The following MID1 variants were observed in gnomAD, a reference collection of about 807,000 sequenced individuals.
MID1 encodes midline 1.
In MID1, 7 loss-of-function variants were observed where a neutral mutation model predicts 40.4. That is an observed-to-expected ratio of 0.17 (90% confidence interval 0.10 to 0.33). The LOEUF is 0.33. MID1 is among the 10% of genes least tolerant of loss of function. MID1 has a pLI of 1.00. For missense variants in MID1, 367 were observed against 558.5 expected (o/e 0.66, Z 3.46); for synonymous variants, 229 against 221.2 (o/e 1.04, Z -0.31).
chrX:10,641,240 T>C (rs1936191117), intron 1 of MID1, among the ~76,000 whole-genome samples: 1 of 111,643 alleles, frequency 9.0e-6, no homozygotes, highest in South Asian at 3.7e-4. Context: ...AGCTGGTTTT[T>C]TGAAAAGATC....
At chrX:10,557,614 A>G (rs1441752472) in intron 2 of MID1, among the ~76,000 whole-genome samples, 2 of 112,089 alleles carry the variant, frequency 1.8e-5, no homozygotes, top group African/African-American at 6.5e-5. Flanking sequence ...GAATGACATG[A>G]GCTCCAAGGT....
chrX:10,556,634 T>C (rs1934132981), intron 2 of MID1, among the ~76,000 whole-genome samples: 1 of 112,070 alleles, frequency 8.9e-6, no homozygotes, highest in Non-Finnish European at 1.9e-5. Context: ...TAATACCTCG[T>C]GTACATCCAA....
intron 3 of MID1, among the ~76,000 whole-genome samples, chrX:10,522,394 T>C (rs888267453): frequency 1.3e-4 from 15 of 112,420 alleles, no homozygotes; most frequent in African/African-American, 4.5e-4. Flanking sequence ...CCTGCCAAAA[T>C]CTTGATTTCA....
chrX:10,829,966 A>C (rs1253798078), intron 1 of MID1, among the ~76,000 whole-genome samples: 1 of 112,220 alleles, frequency 8.9e-6, no homozygotes, highest in Non-Finnish European at 1.9e-5. Flanking sequence ...TCCATGTGGC[A>C]CCCCAGGAAT....
At chrX:10,777,477 T>G (rs1198118980) in intron 1 of MID1, among the ~76,000 whole-genome samples, 8 of 110,940 alleles carry the variant, frequency 7.2e-5, no homozygotes, top group African/African-American at 1.6e-4. Context: ...GATTACAGGC[T>G]TGAGCCACCA....
At chrX:10,574,860 G>C (rs185242070) in intron 1 of MID1, among the ~76,000 whole-genome samples, 2 of 112,150 alleles carry the variant, frequency 1.8e-5, no homozygotes, top group African/African-American at 6.5e-5. Context: ...TTAATACCAC[G>C]TGGCTGTCAG....
intron 1 of MID1, among the ~76,000 whole-genome samples, chrX:10,756,745 G>T (rs1281922747): frequency 8.9e-6 from 1 of 112,147 alleles, no homozygotes; most frequent in Non-Finnish European, 1.9e-5. Context: ...AGAGAAGAGG[G>T]ATTCATCAGA....
chrX:10,609,431 T>G (rs904632294), intron 1 of MID1, among the ~76,000 whole-genome samples: 2 of 111,775 alleles, frequency 1.8e-5, no homozygotes, highest in Non-Finnish European at 3.8e-5. Flanking sequence ...TATATATCAT[T>G]TATATATATA....
At chrX:10,476,387 G>A (rs1382465714) in intron 5 of MID1, among the ~76,000 whole-genome samples, 1 of 110,498 alleles carries the variant, frequency 9.0e-6, no homozygotes, top group Non-Finnish European at 1.9e-5. Context: ...GGTTGGTCTT[G>A]AACTCCTGGG....
rs1340284236 is a variant in MID1 at position 10,545,980 on chromosome X, C to T, written c.660+20908G>A. On this transcript the variant is annotated intron_variant, in intron 2 of 9. Coordinates refer to ENST00000317552, the MANE Select transcript of MID1 (RefSeq NM_000381.4). ...CTACAAGACATAGTTTAGATTTTCA[C>T]TGCTTTTTTTTTTAGGATATTGCCA... Among the ~76,000 whole-genome samples, 3 of 111,074 alleles carry T rather than the reference C, an allele frequency of 2.7e-5. No individual in the cohort carries two copies. In the East Asian group the frequency reaches 8.5e-4, roughly 32 times the overall value.
rs775996759 is a variant in MID1 at position 10,662,353 on chromosome X, A to G, written c.-186-41934T>C. 6.2e-3 allele frequency among the ~76,000 whole-genome samples: 680 copies of G among 110,365 alleles called. 9 individuals carry two copies. The highest frequency in any genetic ancestry group is 0.022 in the African/African-American group (653 of 30,230). On this transcript the variant is annotated intron_variant, in intron 1 of 10. Transcript: ENST00000380785. ...ACAGATACACACACAAAACAAGCAA[A>G]CAAACAAAAACCCTCTTTTAACTCC...
chrX:10,790,418 C>T (rs182384497), intron 1 of MID1, among the ~76,000 whole-genome samples: 75 of 110,805 alleles, frequency 6.8e-4, no homozygotes, highest in African/African-American at 2.4e-3. Context: ...TGTGCCCCAT[C>T]CCCATGTGTC....
At chrX:10,575,748 G>A (rs774019762) in intron 1 of MID1, among the ~76,000 whole-genome samples, 1 of 111,015 alleles carries the variant, frequency 9.0e-6, no homozygotes, top group Non-Finnish European at 1.9e-5. Flanking sequence ...CTGAAAGACT[G>A]GAAATTGATA....
At chrX:10,629,332 G>C (rs1189440116) in intron 1 of MID1, among the ~76,000 whole-genome samples, 1 of 110,243 alleles carries the variant, frequency 9.1e-6, no homozygotes, top group Non-Finnish European at 1.9e-5. Context: ...CTAGTGGCTG[G>C]GATTATAGGT....
chrX:10,567,175 C>T lies in MID1; in HGVS notation c.373G>A (p.Asp125Asn). 8.3e-7 allele frequency: 1 copy of T among 1,211,593 alleles called. No homozygotes were observed. The highest frequency in any genetic ancestry group is 1.1e-6 in the Non-Finnish European group (1 of 895,491). Reference sequence around the variant, plus strand: ...GTCTTCACAGCGTCCTGGGCAGGATCCTGGTCACAAAACTGGCAGAGGACC... The same window carrying T: ...GTCTTCACAGCGTCCTGGGCAGGATTCTGGTCACAAAACTGGCAGAGGACC... ...EKVLCQFCDQ[D>N]PAQDAVKTCV... Residue 125 changes from aspartate (D) to asparagine (N), a missense_variant, in exon 2 of 10, where the codon GAT (aspartate) becomes AAT (asparagine). Physicochemically the swap from Asp to Asn is conservative, Grantham distance 23. Around this residue, in one of 3 missense-constraint regions of MID1, gnomAD observed 78 missense variants for 112.6 expected, o/e 0.69. Transcript: ENST00000317552.
At chrX:10,533,865 T>C (rs903396168) in intron 2 of MID1, among the ~76,000 whole-genome samples, 2 of 111,710 alleles carry the variant, frequency 1.8e-5, no homozygotes, top group Non-Finnish European at 3.8e-5. Context: ...TGGTCAAAAG[T>C]GAGTAAGGAA....
At chrX:10,706,189 G>A (rs1254355901) in intron 1 of MID1, among the ~76,000 whole-genome samples, 1 of 111,178 alleles carries the variant, frequency 9.0e-6, no homozygotes, top group African/African-American at 3.3e-5. Flanking sequence ...TGGGGGGTGT[G>A]TGAAATGAGA....
chrX:10,736,120 C>T (rs887709383), intron 1 of MID1, among the ~76,000 whole-genome samples: 1 of 111,473 alleles, frequency 9.0e-6, no homozygotes, highest in Non-Finnish European at 1.9e-5. Context: ...CTGGGACTAC[C>T]GGCGCCTGCC....
At chrX:10,594,406 T>C (rs1935373250) in intron 1 of MID1, among the ~76,000 whole-genome samples, 1 of 111,697 alleles carries the variant, frequency 9.0e-6, no homozygotes, top group South Asian at 3.8e-4. Context: ...TTTTTCTTTC[T>C]AAGGACCCCT....
Sources: gnomAD v4.1 joint callset for allele counts (sites outside exome capture counted in the v4.1 genomes callset) on GRCh38, gnomAD v4.1.1 for gene constraint, gnomAD v4.1.1 regional missense constraint, MANE v1.5 for transcripts, NCBI Gene and HGNC (gene_info 2026-07-23, HGNC 2026-07-21) for gene names.